Variants in CHST9 observed in about 807,000 individuals in gnomAD.
CHST9 encodes the protein carbohydrate sulfotransferase 9.
In CHST9, 41 loss-of-function variants were observed where a neutral mutation model predicts 44.4. The ratio of observed to expected loss-of-function variants is 0.92; its 90% CI spans 0.72 to 1.20. The LOEUF is 1.20. CHST9 is among the 50% of genes most tolerant of loss of function. The pLI, the probability that CHST9 is intolerant of heterozygous loss-of-function variation, is 0.00. For synonymous variants in CHST9, 171 were observed against 178.4 expected, an observed-to-expected ratio of 0.96 and a Z score of 0.33; for missense variants, 504 against 516.5, an observed-to-expected ratio of 0.98 and a Z score of 0.23.
intron 1 of CHST9, among the ~76,000 whole-genome samples, chr18:27,164,963 T>C (rs2058778531): frequency 1.3e-5 from 2 of 152,166 alleles, no homozygotes; most frequent in South Asian, 4.1e-4. Context: ...CTCGGAAAGA[T>C]ACCAGAGGAC....
At chr18:27,067,723 A>G (rs10502485) in intron 2 of CHST9, among the ~76,000 whole-genome samples, 8,448 of 152,190 alleles carry the variant, frequency 0.056, 348 homozygotes, top group African/African-American at 0.11. Flanking sequence ...TAAACCTAAT[A>G]TATTGAGATT....
chr18:27,025,977 T>C (rs2057280979), intron 3 of CHST9, among the ~76,000 whole-genome samples: 1 of 152,206 alleles, frequency 6.6e-6, no homozygotes, highest in South Asian at 2.1e-4. Flanking sequence ...AATCTGCTTC[T>C]TTATATCCTA....
intron 4 of CHST9, among the ~76,000 whole-genome samples, chr18:26,975,611 T>C (rs1261489815): frequency 6.7e-6 from 1 of 148,596 alleles, no homozygotes; most frequent in Non-Finnish European, 1.5e-5. Context: ...CATGATCTTA[T>C]TCTTTTTAAT....
At position 26,932,679 on chromosome 18, in the gene CHST9, TGAA is replaced by T. The variant is rs1306873954; in HGVS notation, c.240+11647_240+11649del. ...GCCATCTCCATGGTGATTTCTACAT[TGAA>T]GAAGAACATTTATTTCCTGCCACCA... is the stretch of plus-strand genomic sequence containing the variant. On this transcript the variant is annotated intron_variant, in intron 5 of 5. Transcript: ENST00000618847. Among the ~76,000 whole-genome samples, 4 of 152,130 alleles carry T rather than the reference TGAA, an allele frequency of 2.6e-5. No homozygotes were observed. In the South Asian group the frequency reaches 6.2e-4, roughly 24 times the overall value.
chr18:27,053,288 G>C lies in CHST9; in HGVS notation c.122-4785C>G, dbSNP rs74564727. 7.5e-3 allele frequency among the ~76,000 whole-genome samples: 936 copies of C among 125,274 alleles called. 49 individuals are homozygous for C. Among genetic ancestry groups the C allele is most frequent in the African/African-American group, 0.027 (875 of 31,976 alleles). The allele number at this position is 125,274 out of a possible 152,430, so 82.2% of individuals were successfully genotyped here. A position where few individuals can be genotyped will look rare whatever the true frequency, so the allele number is the denominator to read the frequency against. On this transcript the variant is annotated intron_variant, in intron 2 of 5. Transcript: ENST00000618847. ...AGAAGGAGAAGGAGAAGGAGAAGGA[G>C]AAGGAGAAGGAGAAGGAGAAGGAGA...
At chr18:27,156,122 A>C (rs2058696837) in intron 1 of CHST9, among the ~76,000 whole-genome samples, 1 of 151,614 alleles carries the variant, frequency 6.6e-6, no homozygotes, top group Non-Finnish European at 1.5e-5. Flanking sequence ...AAAGGATTTA[A>C]GGAACAGTAG....
At chr18:26,955,692 T>C (rs1230260084) in intron 4 of CHST9, among the ~76,000 whole-genome samples, 3 of 152,124 alleles carry the variant, frequency 2.0e-5, no homozygotes, top group Non-Finnish European at 4.4e-5. Flanking sequence ...TCATGACATC[T>C]GTCCAAATAA....
chr18:27,033,629 C>A (rs1162366027), intron 3 of CHST9, among the ~76,000 whole-genome samples: 3 of 152,158 alleles, frequency 2.0e-5, no homozygotes, highest in African/African-American at 7.2e-5. Context: ...TTCTTTTGAT[C>A]TGAAATAAAG....
At chr18:26,967,357 G>T (rs1438464654) in intron 4 of CHST9, among the ~76,000 whole-genome samples, 1 of 152,110 alleles carries the variant, frequency 6.6e-6, no homozygotes, top group Non-Finnish European at 1.5e-5. Context: ...CTTTTTACAC[G>T]TGTAGTAGGG....
chr18:27,166,661 G>A (rs1196423689), intron 1 of CHST9, among the ~76,000 whole-genome samples: 1 of 152,172 alleles, frequency 6.6e-6, no homozygotes, highest in African/African-American at 2.4e-5. Context: ...AAATAATGGT[G>A]CTTCATTAAT....
chr18:26,951,608 A>G (rs906103129), intron 4 of CHST9, among the ~76,000 whole-genome samples: 6 of 152,134 alleles, frequency 3.9e-5, no homozygotes, highest in South Asian at 4.1e-4. Context: ...TTTTCTAGGT[A>G]TCTCAGTAGG....
chr18:27,144,720 A>T (rs2058597657), intron 1 of CHST9, among the ~76,000 whole-genome samples: 1 of 152,118 alleles, frequency 6.6e-6, no homozygotes. Context: ...AATAAAAAAC[A>T]AAAACAAAAA....
chr18:26,983,841 A>G (rs2056722758), intron 4 of CHST9, among the ~76,000 whole-genome samples: 1 of 152,226 alleles, frequency 6.6e-6, no homozygotes, highest in Non-Finnish European at 1.5e-5. Flanking sequence ...TAAGTGCCTC[A>G]TGAGTGTAGA....
At chr18:27,014,103 A>C (rs960499367) in intron 4 of CHST9, among the ~76,000 whole-genome samples, 1 of 152,186 alleles carries the variant, frequency 6.6e-6, no homozygotes, top group Non-Finnish European at 1.5e-5. Flanking sequence ...GCCTACAAGA[A>C]CATGTGCACT....
intron 2 of CHST9, among the ~76,000 whole-genome samples, chr18:27,068,505 C>T (rs1441511727): frequency 7.2e-5 from 11 of 152,040 alleles, no homozygotes; most frequent in East Asian, 1.9e-4. Context: ...TGAAAGATGG[C>T]GATAACTCTT....
At chr18:27,080,936 G>GTA (rs2057954326) in intron 2 of CHST9, among the ~76,000 whole-genome samples, 1 of 151,500 alleles carries the variant, frequency 6.6e-6, no homozygotes, top group African/African-American at 2.4e-5. Context: ...ACATGACCAA[G>GTA]AAGAAATGGA....
At chr18:26,925,044 A>G (rs2055738712) in intron 5 of CHST9, among the ~76,000 whole-genome samples, 1 of 152,130 alleles carries the variant, frequency 6.6e-6, no homozygotes, top group Non-Finnish European at 1.5e-5. Flanking sequence ...CCTTGTGGTC[A>G]GGGTGGGGTA....
chr18:27,159,268 CT>C (rs1345848209), intron 1 of CHST9, among the ~76,000 whole-genome samples: 1 of 152,144 alleles, frequency 6.6e-6, no homozygotes, highest in Non-Finnish European at 1.5e-5. Flanking sequence ...TTTAATCCAT[CT>C]TGAATTAATT....
intron 1 of CHST9, among the ~76,000 whole-genome samples, chr18:27,151,991 A>G (rs1188026104): frequency 6.6e-6 from 1 of 152,228 alleles, no homozygotes; most frequent in Non-Finnish European, 1.5e-5. Context: ...GTTGCTTTGA[A>G]TGGGTAAAAT....
Sources: gnomAD v4.1 joint callset for allele counts (sites outside exome capture counted in the v4.1 genomes callset) on GRCh38, gnomAD v4.1.1 for gene constraint, MANE v1.5 for transcripts, NCBI Gene and HGNC (gene_info 2026-07-23, HGNC 2026-07-21) for gene names.